The following WWOX variants were observed in gnomAD, a reference collection of about 807,000 sequenced individuals.
The protein encoded by WWOX is WW domain containing oxidoreductase, also known as WW domain-containing oxidoreductase.
WWOX carries 69 observed loss-of-function variants against 46.2 expected under a neutral mutation model. The ratio of observed to expected loss-of-function variants is 1.49; its 90% CI spans 1.23 to 1.82. WWOX has a LOEUF of 1.82. Ranked by LOEUF, WWOX falls within the 40% of genes most tolerant of loss-of-function variation. The pLI, the probability that WWOX is intolerant of heterozygous loss-of-function variation, is 0.00. For missense variants in WWOX, 919 were observed against 542.6 expected (o/e 1.69, Z -6.89); for synonymous variants, 359 against 202.6 (o/e 1.77, Z -6.56).
intron 8 of WWOX, among the ~76,000 whole-genome samples, chr16:79,054,063 G>A (rs947411529): frequency 3.3e-5 from 5 of 151,920 alleles, no homozygotes; most frequent in Admixed American, 1.3e-4. Flanking sequence ...ATTGATACCT[G>A]CTCTCTGAGC....
intron 8 of WWOX, among the ~76,000 whole-genome samples, chr16:78,876,281 C>T (rs1479397479): frequency 6.6e-6 from 1 of 151,666 alleles, no homozygotes; most frequent in Non-Finnish European, 1.5e-5. Flanking sequence ...ATATTGTACC[C>T]ATTGTACTTT....
At chr16:78,964,054 G>T (rs1371270970) in intron 8 of WWOX, among the ~76,000 whole-genome samples, 5 of 152,186 alleles carry the variant, frequency 3.3e-5, no homozygotes, top group African/African-American at 7.2e-5. Context: ...CTGTAAGCCT[G>T]ATTAAACCTC....
At position 79,135,486 on chromosome 16, in the gene WWOX, A is replaced by C. The variant is rs185669258; in HGVS notation, c.1057-76122A>C. Among the ~76,000 whole-genome samples the C allele has an allele frequency of 3.9e-5, 6 of 152,324 alleles. No individual in the cohort carries two copies. In the East Asian group the frequency reaches 1.2e-3, roughly 29 times the overall value. ...TATAAATCTATTCATCTATCCATCTATTAAAAGAGATTTAAGTTATTTCTA... is the reference window on the plus strand; with the variant it reads ...TATAAATCTATTCATCTATCCATCTCTTAAAAGAGATTTAAGTTATTTCTA... On this transcript the variant is annotated intron_variant, in intron 8 of 8. Transcript: ENST00000566780.
At chr16:78,884,294 CA>C in intron 8 of WWOX, among the ~76,000 whole-genome samples, 1 of 66,938 alleles carries the variant, frequency 1.5e-5, no homozygotes, top group East Asian at 5.2e-4. Context: ...AAAAAAAAAA[CA>C]AAAGACCATT....
intron 7 of WWOX, among the ~76,000 whole-genome samples, chr16:78,428,027 C>G (rs993908809): frequency 1.3e-5 from 2 of 152,072 alleles, no homozygotes; most frequent in Non-Finnish European, 2.9e-5. Flanking sequence ...GAGATTGCAC[C>G]AGTGCACTCC....
intron 8 of WWOX, among the ~76,000 whole-genome samples, chr16:78,983,318 C>T (rs1286410771): frequency 6.6e-6 from 1 of 152,100 alleles, no homozygotes; most frequent in Admixed American, 6.5e-5. Context: ...GGAACCAGGG[C>T]CTCCTCGTAT....
At chr16:78,494,792 T>C (rs1035504563) in intron 8 of WWOX, among the ~76,000 whole-genome samples, 16 of 152,204 alleles carry the variant, frequency 1.1e-4, no homozygotes, top group Non-Finnish European at 5.9e-5. Flanking sequence ...TGGTATGGCT[T>C]TTCCTGTAAT....
chr16:78,618,654 C>T (rs2046089847), intron 8 of WWOX, among the ~76,000 whole-genome samples: 1 of 152,048 alleles, frequency 6.6e-6, no homozygotes, highest in Non-Finnish European at 1.5e-5. Context: ...CATAAGAGAC[C>T]TCTTCTCAAC....
At chr16:78,587,272 A>G (rs570712177) in intron 8 of WWOX, among the ~76,000 whole-genome samples, 9 of 149,108 alleles carry the variant, frequency 6.0e-5, no homozygotes, top group East Asian at 2.0e-4. Context: ...GGCTCAAGCA[A>G]TCCTCCCATC....
At chr16:78,825,300 A>T (rs539630234) in intron 8 of WWOX, 1 of 295,730 alleles carries the variant, frequency 3.4e-6, no homozygotes, top group Non-Finnish European at 6.8e-6. Flanking sequence ...CGAATTTCCA[A>T]GAAGAGGATG....
intron 1 of WWOX, among the ~76,000 whole-genome samples, chr16:78,106,068 C>A (rs910881305): frequency 6.6e-6 from 1 of 152,170 alleles, no homozygotes; most frequent in African/African-American, 2.4e-5. Context: ...TCCCAAAGTG[C>A]TGGGATTACA....
At chr16:78,841,684 C>G (rs751656872) in intron 8 of WWOX, among the ~76,000 whole-genome samples, 2 of 152,130 alleles carry the variant, frequency 1.3e-5, no homozygotes, top group Non-Finnish European at 2.9e-5. Context: ...TAGGTGCAAA[C>G]ATTAGACGAT....
intron 6 of WWOX, among the ~76,000 whole-genome samples, chr16:78,413,666 G>C (rs933362219): frequency 5.5e-4 from 84 of 151,914 alleles, no homozygotes; most frequent in African/African-American, 2.0e-3. Flanking sequence ...CAGGTCACTG[G>C]GGATATGATG....
intron 8 of WWOX, among the ~76,000 whole-genome samples, chr16:79,074,461 T>A (rs2048615982): frequency 7.6e-6 from 1 of 131,554 alleles, no homozygotes; most frequent in Admixed American, 8.3e-5. Flanking sequence ...TTTCTCCATT[T>A]GGAGAGGCTG....
intron 5 of WWOX, among the ~76,000 whole-genome samples, chr16:78,172,241 TGAGG>T (rs1426874157): frequency 6.6e-6 from 1 of 152,226 alleles, no homozygotes; most frequent in African/African-American, 2.4e-5. Context: ...TCTTGTAATC[TGAGG>T]GAGTTGATGA....
At chr16:78,729,505 A>C (rs2048915591) in intron 8 of WWOX, among the ~76,000 whole-genome samples, 1 of 152,136 alleles carries the variant, frequency 6.6e-6, no homozygotes, top group African/African-American at 2.4e-5. Flanking sequence ...ACAGAAGAGG[A>C]GGAGTCCATG....
intron 6 of WWOX, 140 bp from the exon 7 acceptor site, chr16:78,424,730 G>T: frequency 1.0e-6 from 1 of 997,330 alleles, no homozygotes; most frequent in Non-Finnish European, 1.6e-6. Context: ...GACGGAGAAA[G>T]AATTTCTCAT....
rs77804924 is a variant in WWOX, at chr16:79,014,814, C to G, written c.1057-196794C>G. On this transcript the variant is annotated intron_variant, in intron 8 of 8. Transcript: ENST00000566780. The stretch of plus-strand genomic sequence containing the variant: ...TTACTATGCTATTTTTGGTTTCCTA[C>G]TTTTGTTCAACTTATATTTATCTGA... 2.5e-3 allele frequency among the ~76,000 whole-genome samples: 375 copies of G among 152,284 alleles called. 1 individual carries two copies. Among genetic ancestry groups the G allele is most frequent in the African/African-American group, 8.7e-3 (360 of 41,564 alleles).
intron 8 of WWOX, among the ~76,000 whole-genome samples, chr16:78,747,821 G>A (rs569154892): frequency 6.6e-6 from 1 of 152,266 alleles, no homozygotes; most frequent in South Asian, 2.1e-4. Context: ...TCCTACCTCT[G>A]TCTCCAAGCT....
Sources: allele counts gnomAD v4.1 joint callset (sites outside exome capture counted in the v4.1 genomes callset), GRCh38; gene constraint gnomAD v4.1.1; transcripts MANE v1.5; gene names NCBI Gene and HGNC (gene_info 2026-07-23, HGNC 2026-07-21).